Variants in TLL2 observed in about 807,000 individuals in gnomAD.
The protein encoded by TLL2 is tolloid-like protein 2.
In TLL2, 106 loss-of-function variants were observed where a neutral mutation model predicts 123.0. The ratio of observed to expected loss-of-function variants is 0.86; its 90% CI spans 0.74 to 1.01. The LOEUF is 1.01. Ranked by LOEUF, TLL2 falls within the 50% of genes least tolerant of loss-of-function variation. The probability of loss-of-function intolerance (pLI) is 0.00; values close to 1 mark genes in which losing one functional copy is unlikely to be tolerated. For missense variants in TLL2, 1,332 were observed against 1,336.7 expected (o/e 1.00, Z 0.06); for synonymous variants, 494 against 516.8 (o/e 0.96, Z 0.60).
intron 2 of TLL2, among the ~76,000 whole-genome samples, chr10:96,475,945 C>T (rs1007649598): frequency 7.9e-5 from 12 of 152,000 alleles, no homozygotes; most frequent in South Asian, 4.1e-4. Context: ...CCTTGCCTGC[C>T]GCCATCCACA....
intron 19 of TLL2, 73 bp downstream of exon 19, chr10:96,373,523 T>A: frequency 7.1e-7 from 1 of 1,415,816 alleles, no homozygotes. Flanking sequence ...GCAGTCCTTG[T>A]CGTGCCTTCA....
chr10:96,416,723 C>A (rs1846565681), intron 7 of TLL2, among the ~76,000 whole-genome samples: 1 of 152,222 alleles, frequency 6.6e-6, no homozygotes, highest in South Asian at 2.1e-4. Flanking sequence ...TCCTCCCTTG[C>A]GTATCCTAAG....
intron 9 of TLL2, among the ~76,000 whole-genome samples, chr10:96,407,943 G>A (rs567968454): frequency 4.6e-5 from 7 of 152,336 alleles, no homozygotes; most frequent in Admixed American, 6.5e-5. Context: ...TGTGTTTTTC[G>A]ACCCTACTTG....
chr10:96,428,806 C>CTT, intron 4 of TLL2, 58 bp from the exon 5 acceptor site: 31 of 1,079,824 alleles, frequency 2.9e-5, no homozygotes, highest in African/African-American at 3.3e-5. Flanking sequence ...TCTTTAGATG[C>CTT]TTTTTTTTTT....
At chr10:96,471,346 C>G (rs1847181218) in intron 2 of TLL2, among the ~76,000 whole-genome samples, 1 of 152,054 alleles carries the variant, frequency 6.6e-6, no homozygotes, top group Non-Finnish European at 1.5e-5. Flanking sequence ...CAGAGATTTC[C>G]CATGTGCTGG....
Position 96,491,834 on chromosome 10 carries a change from G to A in TLL2, c.176-11375C>T, listed in dbSNP as rs184064860. ...TTCAGGTCACTGAACATGGAGTTGG[G>A]AAAAGATGTGCACAGTTGGGCGTCG... On this transcript the variant is annotated intron_variant, in intron 1 of 20. Coordinates refer to ENST00000357947, the MANE Select transcript of TLL2 (RefSeq NM_012465.4). Among the ~76,000 whole-genome samples the A allele has an allele frequency of 2.5e-3, 383 of 152,244 alleles. 5 individuals are homozygous for A. Among genetic ancestry groups the A allele is most frequent in the South Asian group, 8.9e-3 (43 of 4,820 alleles).
chr10:96,449,215 G>A (rs1429333258), intron 2 of TLL2, among the ~76,000 whole-genome samples: 1 of 152,204 alleles, frequency 6.6e-6, no homozygotes, highest in Non-Finnish European at 1.5e-5. Flanking sequence ...TTGTCTTGAG[G>A]AAGCAGAGAG....
intron 2 of TLL2, among the ~76,000 whole-genome samples, chr10:96,448,385 C>T (rs893819223): frequency 2.0e-5 from 3 of 152,176 alleles, no homozygotes; most frequent in Admixed American, 6.5e-5. Flanking sequence ...GAGCTGGAGC[C>T]GACGCTCTGG....
At chr10:96,470,819 T>G (rs1431780245) in intron 2 of TLL2, among the ~76,000 whole-genome samples, 1 of 152,190 alleles carries the variant, frequency 6.6e-6, no homozygotes, top group Non-Finnish European at 1.5e-5. Flanking sequence ...AACTGTTGTG[T>G]GAAGATTAAA....
At chr10:96,368,717 C>T (rs1846051625) in intron 20 of TLL2, among the ~76,000 whole-genome samples, 1 of 152,134 alleles carries the variant, frequency 6.6e-6, no homozygotes, top group Non-Finnish European at 1.5e-5. Context: ...ATGGTTCAGG[C>T]CTCTGTCTCA....
At chr10:96,508,831 C>T (rs762908535) in intron 1 of TLL2, among the ~76,000 whole-genome samples, 3 of 152,052 alleles carry the variant, frequency 2.0e-5, no homozygotes, top group African/African-American at 7.2e-5. Context: ...AAACTGGCCG[C>T]AATGACATCT....
intron 15 of TLL2, among the ~76,000 whole-genome samples, chr10:96,385,453 A>G (rs970855577): frequency 7.9e-5 from 12 of 152,078 alleles, no homozygotes; most frequent in Admixed American, 7.9e-4. Flanking sequence ...GTCTCCTTCC[A>G]GTACCCCAAA....
intron 8 of TLL2, among the ~76,000 whole-genome samples, chr10:96,412,415 C>G (rs966621417): frequency 2.6e-5 from 4 of 152,154 alleles, no homozygotes; most frequent in Admixed American, 2.0e-4. Flanking sequence ...TCTGATCCAT[C>G]AGTACTAAAA....
rs924127389 is a variant in TLL2 at position 96,488,976 on chromosome 10, A to C, written c.176-8517T>G. Among the ~76,000 whole-genome samples, 3 of 152,324 alleles carry C rather than the reference A, an allele frequency of 2.0e-5. No homozygotes were observed. In the East Asian group the frequency reaches 5.8e-4, roughly 29 times the overall value. On this transcript the variant is annotated intron_variant, in intron 1 of 20. Coordinates refer to ENST00000357947, the MANE Select transcript of TLL2 (RefSeq NM_012465.4). ...ATAGCAGAGGTCCTTCCATTACATG[A>C]AATGTGTGTCTTCAGAGAGAAGAGC... is the stretch of plus-strand genomic sequence containing the variant.
intron 1 of TLL2, among the ~76,000 whole-genome samples, chr10:96,486,482 G>A (rs1847357636): frequency 1.3e-5 from 2 of 152,202 alleles, no homozygotes; most frequent in African/African-American, 4.8e-5. Context: ...AGACAGAAGA[G>A]CTGCAGGTCT....
intron 19 of TLL2, among the ~76,000 whole-genome samples, chr10:96,372,808 C>T (rs576479116): frequency 1.3e-4 from 20 of 152,292 alleles, no homozygotes; most frequent in Admixed American, 4.6e-4. Context: ...TCTCCTGCTT[C>T]GGCCTCCAGG....
At chr10:96,392,517 T>C (rs558625520) in intron 13 of TLL2, among the ~76,000 whole-genome samples, 1 of 152,166 alleles carries the variant, frequency 6.6e-6, no homozygotes, top group African/African-American at 2.4e-5. Flanking sequence ...CTCAAAATTG[T>C]GCATTGCTGA....
chr10:96,475,847 G>A (rs976399093), intron 2 of TLL2, among the ~76,000 whole-genome samples: 9 of 152,248 alleles, frequency 5.9e-5, no homozygotes, highest in Non-Finnish European at 8.8e-5. Context: ...ATTATGGGAC[G>A]GGTCTTTCCC....
At chr10:96,422,760 G>A (rs1273204618) in intron 5 of TLL2, 33 bp from the exon 6 acceptor site, 2 of 1,612,884 alleles carry the variant, frequency 1.2e-6, no homozygotes, top group Non-Finnish European at 1.7e-6. Context: ...AGGTCAGCAG[G>A]TCAGAAGACA....
Sources: allele counts gnomAD v4.1 joint callset (sites outside exome capture counted in the v4.1 genomes callset), GRCh38; gene constraint gnomAD v4.1.1; transcripts MANE v1.5; gene names NCBI Gene and HGNC (gene_info 2026-07-23, HGNC 2026-07-21).